The following EPB41L1 variants were observed in gnomAD, a reference collection of about 807,000 sequenced individuals.
EPB41L1 encodes the protein erythrocyte membrane protein band 4.1 like 1, also known as band 4.1-like protein 1.
A neutral mutation model predicts 97.8 loss-of-function variants in EPB41L1; 29 were observed. The observed-to-expected ratio is 0.30, with a 90% CI of 0.22 to 0.40. The LOEUF (loss-of-function observed/expected upper bound fraction) is 0.40, where lower values mean the gene tolerates loss of function less well. EPB41L1 is among the 10% of genes least tolerant of loss of function. The pLI is 1.00. For missense variants in EPB41L1, 812 were observed against 1,162.3 expected (o/e 0.70, Z 4.38); for synonymous variants, 383 against 459.2 (o/e 0.83, Z 2.12).
At chr20:36,205,244 T>C (rs1406748167) in intron 14 of EPB41L1, among the ~76,000 whole-genome samples, 1 of 152,196 alleles carries the variant, frequency 6.6e-6, no homozygotes, top group African/African-American at 2.4e-5. Flanking sequence ...AATTTGCCAT[T>C]AGGTCACAGT....
chr20:36,186,746 T>C (rs1403380217), intron 7 of EPB41L1, among the ~76,000 whole-genome samples: 4 of 152,180 alleles, frequency 2.6e-5, no homozygotes, highest in Admixed American at 2.6e-4. Context: ...TTCAGATCAA[T>C]ATGGGCTGGA....
intron 1 of EPB41L1, among the ~76,000 whole-genome samples, chr20:36,171,977 T>C (rs2061009605): frequency 6.6e-6 from 1 of 152,352 alleles, no homozygotes; most frequent in Non-Finnish European, 1.5e-5. Flanking sequence ...GAGGATCTGT[T>C]GATTGGGGGC....
intron 2 of EPB41L1, among the ~76,000 whole-genome samples, chr20:36,140,406 A>C (rs900569300): frequency 6.6e-6 from 1 of 152,114 alleles, no homozygotes; most frequent in Non-Finnish European, 1.5e-5. Context: ...TGGTAGTCAA[A>C]GTATACACTT....
In EPB41L1 at chr20:36,209,375, T is replaced by C; in HGVS notation, c.1669-113T>C. 2.9e-6 allele frequency: 3 copies of C among 1,037,082 alleles called. No individual in the cohort carries two copies. Among genetic ancestry groups the C allele is most frequent in the Non-Finnish European group, 3.9e-6 (3 of 765,496 alleles). 64.2% of individuals were successfully genotyped at this position (1,037,082 alleles called of 1,614,324 possible). A position where few individuals can be genotyped will look rare whatever the true frequency, so the allele number is the denominator to read the frequency against. On this transcript the variant is annotated intron_variant, in intron 14 of 21. Coordinates refer to ENST00000338074, the MANE Select transcript of EPB41L1 (RefSeq NM_012156.2). The surrounding 1 kb of genome is among the most constrained non-coding windows in gnomAD (Gnocchi z 4.2). ...TTTCATTTCCTGGCCTGCTCTTCCATTCAGGATGTCGACACAGCCCCGAGA... is the reference window on the plus strand; with the variant it reads ...TTTCATTTCCTGGCCTGCTCTTCCACTCAGGATGTCGACACAGCCCCGAGA...
intron 1 of EPB41L1, among the ~76,000 whole-genome samples, chr20:36,099,154 G>T (rs1261798758): frequency 6.6e-6 from 1 of 152,062 alleles, no homozygotes; most frequent in Admixed American, 6.6e-5. Flanking sequence ...GGGTGACAGA[G>T]CAAGACTCCG....
intron 1 of EPB41L1, among the ~76,000 whole-genome samples, chr20:36,160,573 G>T (rs898696615): frequency 3.3e-5 from 5 of 151,228 alleles, no homozygotes; most frequent in Admixed American, 1.3e-4. Context: ...CTGGGTGACA[G>T]AGCGAGACTC....
chr20:36,204,957 C>T (rs1411463235), intron 14 of EPB41L1, among the ~76,000 whole-genome samples: 6 of 152,206 alleles, frequency 3.9e-5, no homozygotes, highest in Non-Finnish European at 2.9e-5. Flanking sequence ...GCCTTTGATG[C>T]ACGATGATGC....
intron 21 of EPB41L1, among the ~76,000 whole-genome samples, chr20:36,228,502 G>T (rs1466991213): frequency 6.6e-6 from 1 of 152,196 alleles, no homozygotes; most frequent in Non-Finnish European, 1.5e-5. Context: ...GGAATTCAAG[G>T]CTGTAATGTG....
intron 3 of EPB41L1, among the ~76,000 whole-genome samples, chr20:36,176,309 C>T (rs2061226759): frequency 6.6e-6 from 1 of 152,230 alleles, no homozygotes; most frequent in Admixed American, 6.5e-5. Context: ...CTGGGTTTGG[C>T]CCTCCTGGCC....
At chr20:36,188,898 A>G (rs79799041) in intron 9 of EPB41L1, among the ~76,000 whole-genome samples, 3 of 148,144 alleles carry the variant, frequency 2.0e-5, no homozygotes, top group Non-Finnish European at 3.0e-5. Flanking sequence ...AAAAAGGGAG[A>G]AAAAAAAAAG....
intron 14 of EPB41L1, among the ~76,000 whole-genome samples, chr20:36,205,086 C>T (rs554211076): frequency 6.6e-6 from 1 of 152,228 alleles, no homozygotes; most frequent in Admixed American, 6.5e-5. Flanking sequence ...GATTGAACAC[C>T]ACAGTGTTCA....
chr20:36,228,205 G>A (rs2064292924), intron 21 of EPB41L1, among the ~76,000 whole-genome samples: 1 of 152,172 alleles, frequency 6.6e-6, no homozygotes, highest in African/African-American at 2.4e-5. Flanking sequence ...GTTGAACACT[G>A]GAAAGACAAG....
At chr20:36,199,524 CA>C (rs1280897227) in intron 14 of EPB41L1, among the ~76,000 whole-genome samples, 1 of 152,148 alleles carries the variant, frequency 6.6e-6, no homozygotes, top group Non-Finnish European at 1.5e-5. Context: ...TCTAGTAAGG[CA>C]TAAGTCCAGA....
At chr20:36,198,129 C>A in intron 14 of EPB41L1, 88 bp downstream of exon 14, 2 of 1,204,956 alleles carry the variant, frequency 1.7e-6, no homozygotes, top group Non-Finnish European at 2.4e-6. Flanking sequence ...TCCTCCACAC[C>A]AATATGCTTC....
chr20:36,122,243 A>G (rs1375855343), intron 2 of EPB41L1, among the ~76,000 whole-genome samples: 1 of 152,192 alleles, frequency 6.6e-6, no homozygotes, highest in African/African-American at 2.4e-5. Context: ...CTCTTGCCCA[A>G]CTGACGCAAA....
chr20:36,206,007 G>A lies in EPB41L1; in HGVS notation c.1669-3481G>A, dbSNP rs777298750. On this transcript the variant is annotated intron_variant, in intron 14 of 21. Coordinates refer to ENST00000338074, the MANE Select transcript of EPB41L1 (RefSeq NM_012156.2). The surrounding 1 kb of genome is among the most constrained non-coding windows in gnomAD (Gnocchi z 5.5). ...CCAAGGTAGACGTTCTGGTGGACAA[G>A]TTCAAAGTGGAAGTGGCCACAGAAG... 3.1e-6 allele frequency: 4 copies of A among 1,289,892 alleles called. No individual in the cohort carries two copies. In the South Asian group the frequency reaches 3.7e-5, roughly 12 times the overall value. The allele number at this position is 1,289,892 out of a possible 1,614,324, so 79.9% of individuals were successfully genotyped here.
intron 2 of EPB41L1, among the ~76,000 whole-genome samples, chr20:36,140,211 C>T (rs1474206360): frequency 2.0e-5 from 3 of 151,270 alleles, no homozygotes; most frequent in African/African-American, 7.3e-5. Context: ...CGCGCCACCA[C>T]ACCTGGCTAC....
intron 21 of EPB41L1, 34 bp from the exon 22 acceptor site, chr20:36,229,298 A>AC (rs779387549): frequency 4.6e-6 from 4 of 871,526 alleles, no homozygotes; most frequent in South Asian, 2.9e-5. Context: ...CCCACTCCCC[A>AC]CCCCCCATTC....
rs2063184586 is a variant in EPB41L1 at position 36,212,401 on chromosome 20, C to T, written c.2184+25C>T. ...GGTAACTTGTGCCTTCCAATGTACC[C>T]TAAGCATGGGTATTGGGCATTTGGT... On this transcript the variant is annotated intron_variant, in intron 16 of 21. Coordinates refer to ENST00000338074, the MANE Select transcript of EPB41L1 (RefSeq NM_012156.2). The surrounding 1 kb of genome is among the most constrained non-coding windows in gnomAD (Gnocchi z 4.8). 6.3e-7 allele frequency: 1 copy of T among 1,599,568 alleles called. No homozygotes were observed. Among genetic ancestry groups the T allele is most frequent in the East Asian group, 2.2e-5 (1 of 44,810 alleles).
Sources: gnomAD v4.1 joint callset for allele counts (sites outside exome capture counted in the v4.1 genomes callset) on GRCh38, gnomAD v4.1.1 for gene constraint, Gnocchi (gnomAD v3.1) non-coding constraint, MANE v1.5 for transcripts, NCBI Gene and HGNC (gene_info 2026-07-23, HGNC 2026-07-21) for gene names.